Variants in COG8 observed in about 807,000 individuals in gnomAD.
The protein encoded by COG8 is conserved oligomeric Golgi complex subunit 8.
A neutral mutation model predicts 46.5 loss-of-function variants in COG8; 45 were observed. That is an observed-to-expected ratio of 0.97 (90% CI 0.76 to 1.24). COG8 has a LOEUF of 1.24. Ranked by LOEUF, COG8 falls within the 50% of genes most tolerant of loss-of-function variation. COG8 has a pLI of 0.00. For missense variants in COG8, 793 were observed against 820.8 expected, an observed-to-expected ratio of 0.97 and a Z score of 0.41; for synonymous variants, 407 against 347.8, an observed-to-expected ratio of 1.17 and a Z score of -1.90.
rs1215671699 is a variant in COG8 at position 69,339,452 on chromosome 16, C to G, written c.101G>C (p.Arg34Pro). 4.4e-6 allele frequency: 7 copies of G among 1,595,330 alleles called. No homozygotes were observed. Among genetic ancestry groups the G allele is most frequent in the African/African-American group, 1.3e-5 (1 of 74,720 alleles). Reference protein sequence around the residue: ...EGLLASLFRDRFPEAQWRERP... With the variant: ...EGLLASLFRDPFPEAQWRERP... ...CTCGCGCCACTGGGCCTCGGGGAAG[C>G]GGTCCCGGAACAGCGACGCCAGGAG... is the stretch of plus-strand genomic sequence containing the variant. Residue 34 changes from arginine (R) to proline (P), a missense_variant, in exon 1 of 6, where the codon CGC (arginine) becomes CCC (proline). Coordinates refer to ENST00000306875, the MANE Select transcript of COG8 (RefSeq NM_032382.5).
At position 69,329,081 on chromosome 16, in the gene COG8, T is replaced by C; in HGVS notation, c.*125A>G. 2.5e-6 allele frequency: 4 copies of C among 1,612,204 alleles called. No homozygotes were observed. The South Asian group carries it at 3.3e-5, about 13-fold the overall frequency. On this transcript the variant is annotated 3_prime_UTR_variant, in exon 6 of 6. Transcript: ENST00000306875. ...AACGTCCTGCTGTCCATTTTGTCAA[T>C]AAACAGGCAGCCCTGCAGGTGGTCC...
In COG8 at chr16:69,328,833, T is replaced by G; in HGVS notation, c.*373A>C. ...TTTTCTCCTCAAGTTGTAGCCAACA[T>G]TTTGTCCGTAACTGATTTCAGGGCA... is the stretch of plus-strand genomic sequence containing the variant. On this transcript the variant is annotated 3_prime_UTR_variant, in exon 6 of 6. Coordinates refer to ENST00000306875, the MANE Select transcript of COG8 (RefSeq NM_032382.5). 1.4e-6 allele frequency: 1 copy of G among 731,070 alleles called. No homozygotes were observed. The highest frequency in any genetic ancestry group is 2.2e-6 in the Non-Finnish European group (1 of 464,502). 45.3% of individuals were successfully genotyped at this position (731,070 alleles called of 1,614,324 possible). A position where few individuals can be genotyped will look rare whatever the true frequency, so the allele number is the denominator to read the frequency against.
intron 1 of COG8, 56 bp from the exon 2 acceptor site, chr16:69,336,768 TAC>T: frequency 6.8e-7 from 1 of 1,476,368 alleles, no homozygotes; most frequent in East Asian, 2.3e-5. Flanking sequence ...AAACCTTAGC[TAC>T]AGTTACCAAG....
rs750570757 is a variant in COG8 at position 69,335,136 on chromosome 16, A to C, written c.798T>G (p.Asp266Glu). ...TGGTTTTTGTAATATGGAAATAGGG[A>C]TCATCATTAGGAATGGCAGTCAGGA... is the stretch of plus-strand genomic sequence containing the variant. ...RSILTAIPND[D>E]PYFHITKTIE... Residue 266 changes from aspartate to glutamate, a missense_variant, in exon 3 of 6, where the codon GAT becomes GAG. Asp to Glu is a conservative substitution (Grantham distance 45, BLOSUM62 2). Coordinates refer to ENST00000306875, the MANE Select transcript of COG8 (RefSeq NM_032382.5). 1.2e-6 allele frequency: 2 copies of C among 1,614,146 alleles called. No individual in the cohort carries two copies. Among genetic ancestry groups the C allele is most frequent in the Non-Finnish European group, 1.7e-6 (2 of 1,180,032 alleles).
At chr16:69,331,782 T>C (rs908244692) in intron 4 of COG8, among the ~76,000 whole-genome samples, 1 of 152,070 alleles carries the variant, frequency 6.6e-6, no homozygotes, top group East Asian at 2.0e-4. Flanking sequence ...ATTACAGGCA[T>C]GAGCCACTGC....
At position 69,328,918 on chromosome 16, in the gene COG8, T is replaced by TC; in HGVS notation, c.*287dup. 1 of 1,442,880 alleles carries TC rather than the reference T, an allele frequency of 6.9e-7. No homozygotes were observed. Among genetic ancestry groups the TC allele is most frequent in the Non-Finnish European group, 9.3e-7 (1 of 1,073,814 alleles). The allele number at this position is 1,442,880 out of a possible 1,614,324, so 89.4% of individuals were successfully genotyped here. ...CATGCCTTGGCAATCCAGTTTCCTGTCATATGCGAGCCATCCAAGTTGATG... is the reference window on the plus strand; with the variant it reads ...CATGCCTTGGCAATCCAGTTTCCTGTCCATATGCGAGCCATCCAAGTTGATG... On this transcript the variant is annotated 3_prime_UTR_variant, in exon 6 of 6. Transcript: ENST00000306875.
At position 69,334,865 on chromosome 16, in the gene COG8, T is replaced by G. The variant is rs2012100759; in HGVS notation, c.1069A>C (p.Ser357Arg). The G allele has an allele frequency of 1.2e-6, 2 of 1,614,144 alleles. No individual in the cohort carries two copies. Among genetic ancestry groups the G allele is most frequent in the Non-Finnish European group, 1.7e-6 (2 of 1,180,018 alleles). ...GQCMYFGLSF[S>R]RVGADFRGQL... Reference sequence around the variant, plus strand: ...CCCCGGAAATCAGCTCCCACCCGGCTGAAGGACAGCCCAAAGTACATGCAC... The same window carrying G: ...CCCCGGAAATCAGCTCCCACCCGGCGGAAGGACAGCCCAAAGTACATGCAC... The change falls in exon 3 of 6, where the codon AGC becomes CGC. Residue 357 changes from serine (S) to arginine (R), a missense_variant. Physicochemically the swap from Ser to Arg is moderately radical, Grantham distance 110. Coordinates refer to ENST00000306875, the MANE Select transcript of COG8 (RefSeq NM_032382.5).
Position 69,334,638 on chromosome 16 carries a change from G to C in COG8, c.1296C>G (p.Phe432Leu). The change falls in exon 3 of 6, where the codon TTC becomes TTG. Residue 432 changes from phenylalanine (F) to leucine (L), a missense_variant. By Grantham distance (22) the Phe-to-Leu change is conservative. Coordinates refer to ENST00000306875, the MANE Select transcript of COG8 (RefSeq NM_032382.5). The stretch of plus-strand genomic sequence containing the variant: ...TGTTGAGAAAGCAGGCGAGGGGTGG[G>C]AAATCTAGGAGCACCATGGGTGGCT... ...TLQPPMVLLD[F>L]PPLACFLNNI... 1 of 1,614,188 alleles carries C rather than the reference G, an allele frequency of 6.2e-7. No homozygotes were observed. Among genetic ancestry groups the C allele is most frequent in the Non-Finnish European group, 8.5e-7 (1 of 1,180,028 alleles).
chr16:69,330,283 C>G, intron 5 of COG8: 1 of 1,432,588 alleles, frequency 7.0e-7, no homozygotes, highest in South Asian at 1.4e-5. Flanking sequence ...CCAGCCGTTG[C>G]GTCAGCCGCT....
At chr16:69,337,473 A>T (rs2012270788) in intron 1 of COG8, among the ~76,000 whole-genome samples, 1 of 152,196 alleles carries the variant, frequency 6.6e-6, no homozygotes, top group South Asian at 2.1e-4. Flanking sequence ...CTAACTGCCT[A>T]GAATCCACAA....
intron 5 of COG8, 52 bp from the exon 6 acceptor site, chr16:69,329,231 C>T (rs370234001): frequency 8.2e-5 from 123 of 1,493,352 alleles, no homozygotes; most frequent in Non-Finnish European, 1.0e-4. Context: ...ACTGCATCAT[C>T]CTCAACCTCC....
intron 3 of COG8, 33 bp from the exon 4 acceptor site, chr16:69,332,915 C>G: frequency 6.2e-7 from 1 of 1,611,768 alleles, no homozygotes; most frequent in South Asian, 1.1e-5. Context: ...ATTACTGGGA[C>G]AGCCTATCAC....
chr16:69,329,355 C>T lies in COG8; in HGVS notation c.*27-176G>A, dbSNP rs74027307. Among the ~76,000 whole-genome samples, 1,162 of 152,322 alleles carry T rather than the reference C, an allele frequency of 7.6e-3. 10 individuals carry two copies. Among genetic ancestry groups the T allele is most frequent in the African/African-American group, 0.024 (1,003 of 41,558 alleles). ...AAACGTCCCTCATCTCGGTCCATTA[C>T]CAAGCGTTCAACCTGGTTCCCAACT... On this transcript the variant is annotated intron_variant, in intron 5 of 5. Transcript: ENST00000306875.
intron 1 of COG8, among the ~76,000 whole-genome samples, chr16:69,338,764 C>G (rs138626614): frequency 2.6e-5 from 4 of 152,296 alleles, no homozygotes; most frequent in Non-Finnish European, 5.9e-5. Context: ...CCGAGGCGGA[C>G]AGATCACGAC....
chr16:69,332,831 T>C lies in COG8; in HGVS notation c.1465A>G (p.Ser489Gly), dbSNP rs1471096324. 6.2e-7 allele frequency: 1 copy of C among 1,614,126 alleles called. No individual in the cohort carries two copies. Among genetic ancestry groups the C allele is most frequent in the Non-Finnish European group, 8.5e-7 (1 of 1,180,050 alleles). The change falls in exon 4 of 6, where the codon AGC (serine) becomes GGC (glycine). Residue 489 changes from serine (S) to glycine (G), a missense_variant. Physicochemically the swap from Ser to Gly is moderately conservative, Grantham distance 56 (BLOSUM62 0). Transcript: ENST00000306875. ...FHRAEEAAFS[S>G]GEQELFVQFC... ...TGGACAAAGAGCTCTTGCTCCCCGC[T>C]GCTGAAGGCAGCCTCTTCAGCGCGA...
chr16:69,328,786 T>C lies in COG8; in HGVS notation c.*420A>G. ...TCCTCCATACAGAATTGTTAGGAAA[T>C]GTCCACTCCTTTGGGGGTGATTTTT... On this transcript the variant is annotated 3_prime_UTR_variant, in exon 6 of 6. Coordinates refer to ENST00000306875, the MANE Select transcript of COG8 (RefSeq NM_032382.5). 1.9e-6 allele frequency: 1 copy of C among 517,488 alleles called. No homozygotes were observed. Among genetic ancestry groups the C allele is most frequent in the Non-Finnish European group, 3.3e-6 (1 of 300,056 alleles). The allele number at this position is 517,488 out of a possible 1,614,324, so 32.1% of individuals were successfully genotyped here. A position where few individuals can be genotyped will look rare whatever the true frequency, so the allele number is the denominator to read the frequency against.
In COG8 at chr16:69,332,926, C is replaced by T. The variant is rs767550782; in HGVS notation, c.1414-44G>A. 18 of 1,605,484 alleles carry T rather than the reference C, an allele frequency of 1.1e-5. 1 individual carries two copies. Among genetic ancestry groups the T allele is most frequent in the South Asian group, 8.8e-5 (8 of 90,880 alleles). On this transcript the variant is annotated intron_variant, in intron 3 of 5. Transcript: ENST00000306875. The stretch of plus-strand genomic sequence containing the variant: ...GTCAATTACTGGGACAGCCTATCAC[C>T]ACTGGGACAGCAGTGCATGAAACTA...
At position 69,330,949 on chromosome 16, in the gene COG8, G is replaced by A; in HGVS notation, c.1729C>T (p.Pro577Ser). The A allele has an allele frequency of 6.4e-7, 1 of 1,569,564 alleles. No homozygotes were observed. The highest frequency in any genetic ancestry group is 2.3e-5 in the East Asian group (1 of 42,564). ...DQALGPELTA[P>S]APEPPAEEPR... Reference sequence around the variant, plus strand: ...TCCTCGGCGGGAGGCTCTGGTGCTGGAGCTGTGAGCTCGGGCCCCAGCGCC... The same window carrying A: ...TCCTCGGCGGGAGGCTCTGGTGCTGAAGCTGTGAGCTCGGGCCCCAGCGCC... The change falls in exon 5 of 6, where the codon CCA becomes TCA. Residue 577 changes from proline to serine, a missense_variant. Transcript: ENST00000306875.
Position 69,328,662 on chromosome 16 carries a change from G to A in COG8, c.*544C>T, listed in dbSNP as rs1325327170. The stretch of plus-strand genomic sequence containing the variant: ...CCTGCATTTTTAAAGACAGCTTTCA[G>A]GTATTTGGGGACTACATTATTACCA... On this transcript the variant is annotated 3_prime_UTR_variant, in exon 6 of 6. Transcript: ENST00000306875. 3.2e-5 allele frequency: 7 copies of A among 217,882 alleles called. No homozygotes were observed. Among genetic ancestry groups the A allele is most frequent in the African/African-American group, 1.6e-4 (7 of 42,446 alleles). 13.5% of individuals were successfully genotyped at this position (217,882 alleles called of 1,614,324 possible).
Sources: allele counts gnomAD v4.1 joint callset (sites outside exome capture counted in the v4.1 genomes callset), GRCh38; gene constraint gnomAD v4.1.1; transcripts MANE v1.5; gene names NCBI Gene and HGNC (gene_info 2026-07-23, HGNC 2026-07-21).